The following SLC7A5 variants were observed in gnomAD, a reference collection of about 807,000 sequenced individuals.
The protein encoded by SLC7A5 is large neutral amino acids transporter small subunit 1.
A neutral mutation model predicts 50.2 loss-of-function variants in SLC7A5; 23 were observed. That is an observed-to-expected ratio of 0.46 (90% CI 0.33 to 0.65). The LOEUF (loss-of-function observed/expected upper bound fraction) is 0.65. Among genes scored for constraint, SLC7A5 ranks in the 30% least tolerant of loss-of-function variants. The probability of loss-of-function intolerance (pLI) is 0.02; values close to 1 mark genes in which losing one functional copy is unlikely to be tolerated. For missense variants in SLC7A5, 578 were observed against 684.4 expected (o/e 0.84, Z 1.73); for synonymous variants, 393 against 330.6 (o/e 1.19, Z -2.05).
intron 1 of SLC7A5, among the ~76,000 whole-genome samples, chr16:87,859,503 A>C (rs2055361559): frequency 6.6e-6 from 1 of 152,208 alleles, no homozygotes; most frequent in African/African-American, 2.4e-5. Flanking sequence ...AACTGACTAA[A>C]GGGACCCCTC....
chr16:87,859,151 C>T (rs1157782974), intron 1 of SLC7A5, among the ~76,000 whole-genome samples: 7 of 152,220 alleles, frequency 4.6e-5, no homozygotes, highest in Non-Finnish European at 7.3e-5. Context: ...CTGAAGCAAA[C>T]GACCAGAGAA....
In SLC7A5 at chr16:87,841,027, G is replaced by C. The variant is rs754600052; in HGVS notation, c.770+23C>G. 2 of 1,540,014 alleles carry C rather than the reference G, an allele frequency of 1.3e-6. No homozygotes were observed. The highest frequency in any genetic ancestry group is 9.0e-7 in the Non-Finnish European group (1 of 1,113,012). On this transcript the variant is annotated intron_variant, in intron 3 of 9. Transcript: ENST00000261622. This position sits in a 1 kb window ranked among gnomAD's most constrained non-coding sequence, Gnocchi z 4.8. Reference sequence around the variant, plus strand: ...GGGACTGTATGTCCCCAGACCAAGGGACCCAGACATTCCAGAACCTACCAT... The same window carrying C: ...GGGACTGTATGTCCCCAGACCAAGGCACCCAGACATTCCAGAACCTACCAT...
At chr16:87,851,953 C>A (rs2055231591) in intron 1 of SLC7A5, 104 bp from the exon 2 acceptor site, 2 of 1,419,942 alleles carry the variant, frequency 1.4e-6, no homozygotes, top group Non-Finnish European at 2.0e-6. Context: ...GCCAGGTCCA[C>A]CAGAAAAACA....
At chr16:87,851,585 C>T in intron 2 of SLC7A5, 139 bp downstream of exon 2, 2 of 1,143,178 alleles carry the variant, frequency 1.7e-6, no homozygotes, top group African/African-American at 1.5e-5. Context: ...GGTGATTTTC[C>T]CAGAGGGAAA....
chr16:87,849,144 G>A (rs753098767), intron 2 of SLC7A5, among the ~76,000 whole-genome samples: 5 of 152,228 alleles, frequency 3.3e-5, no homozygotes, highest in African/African-American at 9.6e-5. Context: ...AATTGAGGCC[G>A]GAGTCTCTGC....
chr16:87,843,642 C>A (rs537021525), intron 2 of SLC7A5, among the ~76,000 whole-genome samples: 1 of 152,204 alleles, frequency 6.6e-6, no homozygotes, highest in South Asian at 2.1e-4. Flanking sequence ...CACCCCTGTA[C>A]CTCTCAGCAT....
intron 1 of SLC7A5, among the ~76,000 whole-genome samples, chr16:87,863,193 T>C (rs2055420576): frequency 6.6e-6 from 1 of 152,214 alleles, no homozygotes; most frequent in African/African-American, 2.4e-5. Flanking sequence ...CACGATGCAG[T>C]GAGCCCATCG....
At chr16:87,858,667 C>A (rs1158154226) in intron 1 of SLC7A5, among the ~76,000 whole-genome samples, 1 of 152,166 alleles carries the variant, frequency 6.6e-6, no homozygotes, top group Non-Finnish European at 1.5e-5. Flanking sequence ...CACCCTCGTG[C>A]TCTGGCCACT....
rs1273626903 is a variant in SLC7A5, at chr16:87,862,964, A to G, written c.538+5921T>C. ...CCCATGAGGCCAGGTGTCCTCAGCC[A>G]CCCGCAGCCAGAGTCCCGCGAGACC... On this transcript the variant is annotated intron_variant, in intron 1 of 9. Coordinates refer to ENST00000261622, the MANE Select transcript of SLC7A5 (RefSeq NM_003486.7). This position sits in a 1 kb window ranked among gnomAD's most constrained non-coding sequence, Gnocchi z 5.3. Among the ~76,000 whole-genome samples the G allele has an allele frequency of 1.3e-5, 2 of 152,106 alleles. No individual in the cohort carries two copies. Among genetic ancestry groups the G allele is most frequent in the African/African-American group, 4.8e-5 (2 of 41,410 alleles).
At position 87,862,284 on chromosome 16, in the gene SLC7A5, G is replaced by T. The variant is rs539933825; in HGVS notation, c.538+6601C>A. Reference sequence around the variant, plus strand: ...CAGCCAGGCAGCCTGAAGACCCTGGGGCAAAACACACACAGGCCCCCTCTG... The same window carrying T: ...CAGCCAGGCAGCCTGAAGACCCTGGTGCAAAACACACACAGGCCCCCTCTG... On this transcript the variant is annotated intron_variant, in intron 1 of 9. Transcript: ENST00000261622. The surrounding 1 kb of genome is among the most constrained non-coding windows in gnomAD (Gnocchi z 5.3). 1.2e-4 allele frequency among the ~76,000 whole-genome samples: 18 copies of T among 152,240 alleles called. No homozygotes were observed. The highest frequency in any genetic ancestry group is 4.3e-4 in the African/African-American group (18 of 41,534).
rs779042515 is a variant in SLC7A5 at position 87,839,711 on chromosome 16, G to A, written c.930C>T (p.Ala310=). The change falls in exon 5 of 10, where the codon GCC becomes GCT. Residue 310 remains alanine, a synonymous_variant. Coordinates refer to ENST00000261622, the MANE Select transcript of SLC7A5 (RefSeq NM_003486.7). Reference sequence around the variant, plus strand: ...GCGGGTAGCGGCTCACCACGGCCACGGCCTCGGACGACAGCATCTGCTCGG... The same window carrying A: ...GCGGGTAGCGGCTCACCACGGCCACAGCCTCGGACGACAGCATCTGCTCGG... ...LSTEQMLSSE[A]VAVDFGNYHL... is the part of the protein sequence containing the mutation. 9.9e-5 allele frequency: 159 copies of A among 1,613,314 alleles called. No homozygotes were observed. The highest frequency in any genetic ancestry group is 1.3e-4 in the East Asian group (6 of 44,880).
chr16:87,854,079 C>A (rs1489484108), intron 1 of SLC7A5: 1 of 141,258 alleles, frequency 7.1e-6, no homozygotes, highest in Non-Finnish European at 1.6e-5. Context: ...CCCGCCCCCC[C>A]CCCCACCGCC....
chr16:87,854,594 C>A (rs2055290583), intron 1 of SLC7A5, among the ~76,000 whole-genome samples: 1 of 152,236 alleles, frequency 6.6e-6, no homozygotes, highest in Non-Finnish European at 1.5e-5. Flanking sequence ...CAGGGCTGTG[C>A]CCTGAGTCAG....
rs1354724259 is a variant in SLC7A5, at chr16:87,831,219, T to G, written c.*1751A>C. The G allele has an allele frequency of 1.3e-5, 2 of 152,302 alleles. No homozygotes were observed. Among genetic ancestry groups the G allele is most frequent in the South Asian group, 4.1e-4 (2 of 4,832 alleles). The allele number at this position is 152,302 out of a possible 1,614,324, so 9.4% of individuals were successfully genotyped here. ...GGGCTGTCCCTTGGACGAGTGGAAT[T>G]CGTCCCCAGGAAGGATGCAGGTCCT... On this transcript the variant is annotated 3_prime_UTR_variant, in exon 10 of 10. Coordinates refer to ENST00000261622, the MANE Select transcript of SLC7A5 (RefSeq NM_003486.7).
rs976465883 is a variant in SLC7A5, at chr16:87,831,921, G to A, written c.*1049C>T. 6.5e-6 allele frequency: 1 copy of A among 152,870 alleles called. No individual in the cohort carries two copies. Among genetic ancestry groups the A allele is most frequent in the Non-Finnish European group, 1.5e-5 (1 of 68,546 alleles). The allele number at this position is 152,870 out of a possible 1,614,324, so 9.5% of individuals were successfully genotyped here. ...TCCTAGACAACGGGCATCAGGACCA[G>A]GACAGGACATGAGCGTGACAGGGAG... On this transcript the variant is annotated 3_prime_UTR_variant, in exon 10 of 10. Transcript: ENST00000261622.
In SLC7A5 at chr16:87,830,461, C is replaced by A. The variant is rs756413254; in HGVS notation, c.*2509G>T. 3 of 152,222 alleles carry A rather than the reference C, an allele frequency of 2.0e-5. No individual in the cohort carries two copies. The highest frequency in any genetic ancestry group is 4.4e-5 in the Non-Finnish European group (3 of 68,032). 9.4% of individuals were successfully genotyped at this position (152,222 alleles called of 1,614,324 possible). ...TCAGTGGAGTGTGGAGAAAAAGGGA[C>A]GGAAAAATCAAGTCTTCTGAGACAG... is the stretch of plus-strand genomic sequence containing the variant. On this transcript the variant is annotated 3_prime_UTR_variant, in exon 10 of 10. Transcript: ENST00000261622.
Position 87,869,066 on chromosome 16 carries a change from G to A in SLC7A5, c.357C>T (p.Tyr119=). Residue 119 remains tyrosine, a synonymous_variant, in exon 1 of 10, where the codon TAC becomes TAT. Transcript: ENST00000261622. ...TISKSGGDYA[Y]MLEVYGSLPA... is the part of the protein sequence containing the mutation. ...GCAGCGAGCCGTAGACCTCCAGCAT[G>A]TAGGCGTAGTCGCCGCCCGATTTGG... 1.2e-6 allele frequency: 2 copies of A among 1,611,934 alleles called. No individual in the cohort carries two copies. Among genetic ancestry groups the A allele is most frequent in the Non-Finnish European group, 1.7e-6 (2 of 1,179,808 alleles).
At chr16:87,867,199 C>T (rs899603621) in intron 1 of SLC7A5, among the ~76,000 whole-genome samples, 1 of 152,232 alleles carries the variant, frequency 6.6e-6, no homozygotes, top group Non-Finnish European at 1.5e-5. Context: ...GGATTATAGG[C>T]GTGGGCCATC....
In SLC7A5 at chr16:87,850,911, A is replaced by T. The variant is rs7205212; in HGVS notation, c.664+813T>A. On this transcript the variant is annotated intron_variant, in intron 2 of 9. Transcript: ENST00000261622. ...TGTGTTAAAGGGTCCAGAGACACCC[A>T]GCAAAATACCAACTGTGTCAGTCCA... Among the ~76,000 whole-genome samples the T allele has an allele frequency of 4.9e-3, 742 of 152,354 alleles. 14 individuals carry two copies. The highest frequency in any genetic ancestry group is 0.017 in the African/African-American group (695 of 41,582).
Sources: allele counts gnomAD v4.1 joint callset (sites outside exome capture counted in the v4.1 genomes callset), GRCh38; gene constraint gnomAD v4.1.1; non-coding constraint Gnocchi (gnomAD v3.1); transcripts MANE v1.5; gene names NCBI Gene and HGNC (gene_info 2026-07-23, HGNC 2026-07-21).